SYNRG: variants seen among roughly 807,000 people sequenced by gnomAD.
SYNRG encodes the protein AP1 gamma subunit binding protein 1.
In SYNRG, 37 loss-of-function variants were observed where a neutral mutation model predicts 130.9. The ratio of observed to expected loss-of-function variants is 0.28; its 90% CI spans 0.22 to 0.37. The LOEUF is 0.37. Among genes scored for constraint, SYNRG ranks in the 10% least tolerant of loss-of-function variants. The pLI is 1.00. For missense variants in SYNRG, 1,338 were observed against 1,588.9 expected (o/e 0.84, Z 2.68); for synonymous variants, 539 against 568.1 (o/e 0.95, Z 0.73).
At chr17:37,563,188 C>T (rs1202899046) in intron 11 of SYNRG, among the ~76,000 whole-genome samples, 1 of 152,102 alleles carries the variant, frequency 6.6e-6, no homozygotes, top group East Asian at 1.9e-4. Flanking sequence ...GTGTTTATGC[C>T]AGTTACATAG....
chr17:37,553,860 G>A lies in SYNRG; in HGVS notation c.1863C>T (p.Ser621=). 1 of 1,612,104 alleles carries A rather than the reference G, an allele frequency of 6.2e-7. No individual in the cohort carries two copies. The highest frequency in any genetic ancestry group is 8.5e-7 in the Non-Finnish European group (1 of 1,179,636). The change falls in exon 14 of 22, where the codon TCC becomes TCT. Residue 621 remains serine (S), a synonymous_variant. Coordinates refer to ENST00000612223, the MANE Select transcript of SYNRG (RefSeq NM_007247.6). The part of the protein sequence containing the change: ...PLNLADLDMF[S]SVNCSSEKPL... ...GTTTCTCGCTGCTGCAATTAACTGA[G>A]GAAAACATATCTAGGTCTGCTAAGT...
At chr17:37,576,525 A>G (rs1011447856) in intron 7 of SYNRG, 107 bp from the exon 8 acceptor site, 2 of 969,946 alleles carry the variant, frequency 2.1e-6, no homozygotes, top group Admixed American at 2.9e-5. Flanking sequence ...ACACTAAAAA[A>G]AGTCACCAAT....
At chr17:37,607,832 C>G (rs1598721085) in intron 1 of SYNRG, among the ~76,000 whole-genome samples, 1 of 151,688 alleles carries the variant, frequency 6.6e-6, no homozygotes, top group East Asian at 1.9e-4. Context: ...TGGCGCGCAC[C>G]TGTAATCCCA....
rs778960845 is a variant in SYNRG, at chr17:37,568,903, C to T, written c.1369G>A (p.Asp457Asn). 3 of 1,613,902 alleles carry T rather than the reference C, an allele frequency of 1.9e-6. No homozygotes were observed. In the South Asian group the frequency reaches 3.3e-5, roughly 18 times the overall value. Residue 457 changes from aspartate to asparagine, a missense_variant, in exon 11 of 22, where the codon GAC becomes AAC. Transcript: ENST00000612223. ...GAAGCATCTTGAAAATCCTGGAAGT[C>T]ATCTTCTTCTGGCTTTACTACCTAG... ...ANQVVKPEEDDFQDFQDASKS... is the reference protein window; with the variant it reads ...ANQVVKPEEDNFQDFQDASKS...
intron 11 of SYNRG, among the ~76,000 whole-genome samples, chr17:37,563,876 ACT>A (rs2059726286): frequency 6.9e-6 from 1 of 144,186 alleles, no homozygotes; most frequent in African/African-American, 2.6e-5. Flanking sequence ...ACAAATTCTT[ACT>A]CTGTCTCCCA....
chr17:37,572,365 G>T (rs889078071), intron 8 of SYNRG, among the ~76,000 whole-genome samples: 2 of 151,838 alleles, frequency 1.3e-5, no homozygotes, highest in African/African-American at 4.8e-5. Flanking sequence ...GACAAAGGTT[G>T]CAGTGAGCTA....
intron 21 of SYNRG, among the ~76,000 whole-genome samples, chr17:37,519,289 G>A (rs2054688656): frequency 1.3e-5 from 2 of 152,172 alleles, no homozygotes; most frequent in African/African-American, 4.8e-5. Flanking sequence ...CCTAGTTTCA[G>A]CAAAAGGTGG....
At chr17:37,538,111 T>C (rs969884670) in intron 18 of SYNRG, among the ~76,000 whole-genome samples, 1 of 152,226 alleles carries the variant, frequency 6.6e-6, no homozygotes, top group Non-Finnish European at 1.5e-5. Flanking sequence ...TGCTATTACG[T>C]ATATAACAAG....
At chr17:37,573,000 A>G (rs1279451507) in intron 8 of SYNRG, among the ~76,000 whole-genome samples, 1 of 152,244 alleles carries the variant, frequency 6.6e-6, no homozygotes, top group Non-Finnish European at 1.5e-5. Flanking sequence ...AAGCTTAGTT[A>G]GGGAAATGAA....
chr17:37,587,263 C>A (rs2061767204), intron 3 of SYNRG, among the ~76,000 whole-genome samples: 1 of 152,208 alleles, frequency 6.6e-6, no homozygotes. Flanking sequence ...CCTCCCGCCT[C>A]AGCCCCAGAG....
At chr17:37,562,083 T>C (rs1337192457) in intron 11 of SYNRG, among the ~76,000 whole-genome samples, 1 of 152,228 alleles carries the variant, frequency 6.6e-6, no homozygotes, top group Non-Finnish European at 1.5e-5. Context: ...GATAAAAATC[T>C]ATTTATGAAA....
intron 11 of SYNRG, chr17:37,567,153 G>A (rs888288569): frequency 6.6e-6 from 1 of 152,330 alleles, no homozygotes; most frequent in African/African-American, 2.4e-5. Flanking sequence ...AACATGGTCA[G>A]TTTGGAGTCA....
chr17:37,568,044 T>G (rs2060127489), intron 11 of SYNRG: 1 of 152,088 alleles, frequency 6.6e-6, no homozygotes, highest in East Asian at 1.9e-4. Flanking sequence ...AAACCCCATC[T>G]CTACTAAAAA....
rs2057164054 is a variant in SYNRG, at chr17:37,536,103, G to T, written c.3542C>A (p.Thr1181Asn). The change falls in exon 19 of 22, where the codon ACC (threonine) becomes AAC (asparagine). Residue 1181 changes from threonine (T) to asparagine (N), a missense_variant. Around this residue, in one of 3 missense-constraint regions of SYNRG, gnomAD observed 1,146 missense variants for 1,342.3 expected, o/e 0.85. Coordinates refer to ENST00000612223, the MANE Select transcript of SYNRG (RefSeq NM_007247.6). ...TTTTATCCCCAGCTCCACACGCTTG[G>T]TTACCCTGTACACTTCAACAACACC... ...LLGVVEVYRV[T>N]KRVELGIKAT... is the part of the protein sequence containing the mutation. The T allele has an allele frequency of 6.2e-7, 1 of 1,613,654 alleles. No individual in the cohort carries two copies. Among genetic ancestry groups the T allele is most frequent in the Non-Finnish European group, 8.5e-7 (1 of 1,179,898 alleles).
At chr17:37,575,302 T>C (rs751704790) in intron 8 of SYNRG, among the ~76,000 whole-genome samples, 63 of 152,162 alleles carry the variant, frequency 4.1e-4, no homozygotes, top group Non-Finnish European at 1.0e-4. Flanking sequence ...TTACAGAGTA[T>C]AATTGGAATG....
intron 9 of SYNRG, among the ~76,000 whole-genome samples, chr17:37,571,411 A>G (rs1424941959): frequency 6.6e-6 from 1 of 152,036 alleles, no homozygotes; most frequent in African/African-American, 2.4e-5. Flanking sequence ...GTAAAACCCC[A>G]TCTCTACTAA....
rs558077642 is a variant in SYNRG at position 37,561,383 on chromosome 17, G to A, written c.1600+88C>T. 4 of 1,421,894 alleles carry A rather than the reference G, an allele frequency of 2.8e-6. No individual in the cohort carries two copies. The East Asian group carries it at 9.2e-5, about 33-fold the overall frequency. 88.1% of individuals were successfully genotyped at this position (1,421,894 alleles called of 1,614,324 possible). Reference sequence around the variant, plus strand: ...GGTATACAGGCATTTTACATATTTAGCACAGAAGACCACCACTTAAAGATT... The same window carrying A: ...GGTATACAGGCATTTTACATATTTAACACAGAAGACCACCACTTAAAGATT... On this transcript the variant is annotated intron_variant, in intron 12 of 21. Coordinates refer to ENST00000612223, the MANE Select transcript of SYNRG (RefSeq NM_007247.6).
At chr17:37,548,576 G>C (rs2058459668) in intron 14 of SYNRG, among the ~76,000 whole-genome samples, 1 of 152,090 alleles carries the variant, frequency 6.6e-6, no homozygotes, top group African/African-American at 2.4e-5. Context: ...CCACTACTTT[G>C]GGAGGCCGAG....
chr17:37,565,726 C>A (rs895092536), intron 11 of SYNRG, among the ~76,000 whole-genome samples: 6 of 151,688 alleles, frequency 4.0e-5, no homozygotes. Flanking sequence ...AGCGCCTCTG[C>A]CCGGCCGCGA....
Sources: allele counts gnomAD v4.1 joint callset (sites outside exome capture counted in the v4.1 genomes callset), GRCh38; gene constraint gnomAD v4.1.1; regional missense constraint gnomAD v4.1.1; transcripts MANE v1.5; gene names NCBI Gene and HGNC (gene_info 2026-07-23, HGNC 2026-07-21).